Variants in UGT1A6 observed in about 807,000 individuals in gnomAD.
UGT1A6 encodes the protein UDP-glucuronosyltransferase 1A6.
UGT1A6 carries 32 observed loss-of-function variants against 44.4 expected under a neutral mutation model. The observed-to-expected ratio is 0.72, with a 90% CI of 0.54 to 0.97. The LOEUF (loss-of-function observed/expected upper bound fraction) is 0.97. Ranked by LOEUF, UGT1A6 falls within the 50% of genes least tolerant of loss-of-function variation. The pLI is 0.00. For synonymous variants in UGT1A6, 238 were observed against 248.5 expected, an observed-to-expected ratio of 0.96 and a Z score of 0.40; for missense variants, 685 against 661.9, an observed-to-expected ratio of 1.03 and a Z score of -0.38.
chr2:233,711,204 C>T (rs760514189), intron 1 of UGT1A6, among the ~76,000 whole-genome samples: 35 of 152,374 alleles, frequency 2.3e-4, no homozygotes, highest in Non-Finnish European at 4.4e-4. Context: ...CAGTCCTGCT[C>T]TCCCCAGTGC....
At chr2:233,696,603 G>A (rs1255929079) in intron 1 of UGT1A6, among the ~76,000 whole-genome samples, 1 of 135,292 alleles carries the variant, frequency 7.4e-6, no homozygotes, top group Non-Finnish European at 1.6e-5. Context: ...CAACTTGGAT[G>A]CCCTTTCTTT....
intron 1 of UGT1A6, chr2:233,729,953 T>A (rs371021401): frequency 6.2e-7 from 1 of 1,614,064 alleles, no homozygotes; most frequent in Non-Finnish European, 8.5e-7. Context: ...ATGGTCTTCA[T>A]TGGGGGCATC....
chr2:233,716,299 G>A (rs2076496695), intron 1 of UGT1A6, among the ~76,000 whole-genome samples: 2 of 152,196 alleles, frequency 1.3e-5, no homozygotes, highest in South Asian at 4.1e-4. Context: ...CATCTATAAA[G>A]TCTCTTCCAC....
chr2:233,768,305 G>C lies in UGT1A6; in HGVS notation c.1167G>C (p.Met389Ile). The change falls in exon 4 of 5, where the codon ATG (methionine) becomes ATC (isoleucine). Residue 389 changes from methionine (M) to isoleucine (I), a missense_variant. Coordinates refer to ENST00000305139, the MANE Select transcript of UGT1A6 (RefSeq NM_001072.4). ...ESICNGVPMV[M>I]MPLFGDQMDN... ...TATGCAATGGCGTTCCCATGGTGAT[G>C]ATGCCCTTGTTTGGTGATCAGATGG... 1 of 1,614,202 alleles carries C rather than the reference G, an allele frequency of 6.2e-7. No individual in the cohort carries two copies. The highest frequency in any genetic ancestry group is 8.5e-7 in the Non-Finnish European group (1 of 1,180,040).
At chr2:233,738,533 C>T (rs762024449) in intron 1 of UGT1A6, among the ~76,000 whole-genome samples, 4 of 152,178 alleles carry the variant, frequency 2.6e-5, no homozygotes, top group African/African-American at 9.7e-5. Context: ...CAATGAAGTC[C>T]AGGCTGAGTC....
intron 1 of UGT1A6, among the ~76,000 whole-genome samples, chr2:233,732,631 T>C (rs1341811470): frequency 6.6e-6 from 1 of 152,240 alleles, no homozygotes; most frequent in Non-Finnish European, 1.5e-5. Context: ...TGTGGTGTTA[T>C]TTCTGAGACC....
At position 233,769,512 on chromosome 2, in the gene UGT1A6, C is replaced by T; in HGVS notation, c.1301+1073C>T. ...TTATGAGAGTGTCCATTGCTTTCTCCCATGGTTACCTCCTTTAGAAAGAAG... is the reference window on the plus strand; with the variant it reads ...TTATGAGAGTGTCCATTGCTTTCTCTCATGGTTACCTCCTTTAGAAAGAAG... On this transcript the variant is annotated intron_variant, in intron 4 of 4. Transcript: ENST00000305139. This position sits in a 1 kb window ranked among gnomAD's most constrained non-coding sequence, Gnocchi z 4.4. 1 of 1,612,734 alleles carries T rather than the reference C, an allele frequency of 6.2e-7. No homozygotes were observed. The highest frequency in any genetic ancestry group is 8.5e-7 in the Non-Finnish European group (1 of 1,179,852).
chr2:233,703,623 A>G (rs971419839), intron 1 of UGT1A6, among the ~76,000 whole-genome samples: 1 of 151,992 alleles, frequency 6.6e-6, no homozygotes, highest in Non-Finnish European at 1.5e-5. Flanking sequence ...AGTCTATTTT[A>G]TCTGATATTA....
Position 233,693,285 on chromosome 2 carries a change from T to C in UGT1A6, c.281T>C (p.Phe94Ser). ...GAGCTGAAGAACCGTTACCAATCAT[T>C]TGGAAACAATCACTTTGCTGAGCGA... is the stretch of plus-strand genomic sequence containing the variant. ...QEELKNRYQS[F>S]GNNHFAERSF... The change falls in exon 1 of 5, where the codon TTT (phenylalanine) becomes TCT (serine). Residue 94 changes from phenylalanine (F) to serine (S), a missense_variant. By Grantham distance (155) the Phe-to-Ser change is radical. Transcript: ENST00000305139. 6.2e-7 allele frequency: 1 copy of C among 1,614,168 alleles called. No individual in the cohort carries two copies. The highest frequency in any genetic ancestry group is 8.5e-7 in the Non-Finnish European group (1 of 1,180,024).
intron 1 of UGT1A6, chr2:233,760,950 T>C: frequency 1.2e-6 from 2 of 1,614,226 alleles, no homozygotes; most frequent in East Asian, 2.2e-5. Context: ...CACAGAACTT[T>C]CTGTGCGACG....
rs570829500 is a variant in UGT1A6, at chr2:233,743,629, T to G, written c.862-23405T>G. 70 of 1,367,302 alleles carry G rather than the reference T, an allele frequency of 5.1e-5. 1 individual carries two copies. The highest frequency in any genetic ancestry group is 2.7e-4 in the East Asian group (6 of 21,984). The allele number at this position is 1,367,302 out of a possible 1,614,324, so 84.7% of individuals were successfully genotyped here. The stretch of plus-strand genomic sequence containing the variant: ...CGAAGAACTCCCTGAAGACGTCGGC[T>G]GGGTCGCGGAAGCTGAAGACGTACT... On this transcript the variant is annotated intron_variant, in intron 1 of 4. Transcript: ENST00000305139.
intron 1 of UGT1A6, among the ~76,000 whole-genome samples, chr2:233,721,343 A>G (rs2076939379): frequency 6.6e-6 from 1 of 152,156 alleles, no homozygotes; most frequent in South Asian, 2.1e-4. Flanking sequence ...CTATGAATAT[A>G]TTCTTTAGAC....
At chr2:233,727,488 T>C (rs2077620726) in intron 1 of UGT1A6, among the ~76,000 whole-genome samples, 1 of 151,840 alleles carries the variant, frequency 6.6e-6, no homozygotes, top group Non-Finnish European at 1.5e-5. Context: ...TACTTGGAGG[T>C]AGAACATGGG....
chr2:233,702,473 C>A (rs550739949), intron 1 of UGT1A6, among the ~76,000 whole-genome samples: 2 of 152,066 alleles, frequency 1.3e-5, no homozygotes, highest in South Asian at 2.1e-4. Flanking sequence ...ATCTAATTGC[C>A]CTGGCTTGAA....
At chr2:233,729,805 T>C (rs61740163) in intron 1 of UGT1A6, 2 of 1,611,876 alleles carry the variant, frequency 1.2e-6, no homozygotes, top group Non-Finnish European at 1.7e-6. Flanking sequence ...TTGCCATGCT[T>C]TTTCTGCTCC....
At chr2:233,749,145 C>G (rs1694125909) in intron 1 of UGT1A6, among the ~76,000 whole-genome samples, 1 of 151,818 alleles carries the variant, frequency 6.6e-6, no homozygotes, top group Non-Finnish European at 1.5e-5. Context: ...TATGAACTTC[C>G]ATGACTTGAT....
chr2:233,767,857 G>A lies in UGT1A6; in HGVS notation c.1002G>A (p.Trp334Ter), dbSNP rs1699508733. The change falls in exon 3 of 5, where the codon TGG becomes TGA. Residue 334 changes from tryptophan (W) to a stop codon, truncating the protein, a stop_gained. Coordinates refer to ENST00000305139, the MANE Select transcript of UGT1A6 (RefSeq NM_001072.4). LOFTEE classifies it high-confidence loss of function. ...ALGKIPQTVL[W>*]RYTGTRPSNL... Reference sequence around the variant, plus strand: ...CTTTTTGCCCCTCCCAGGTCCTGTGGCGGTACACTGGAACCCGACCATCGA... The same window carrying A: ...CTTTTTGCCCCTCCCAGGTCCTGTGACGGTACACTGGAACCCGACCATCGA... 6.2e-7 allele frequency: 1 copy of A among 1,613,994 alleles called. No homozygotes were observed. The highest frequency in any genetic ancestry group is 1.1e-5 in the South Asian group (1 of 91,076).
chr2:233,728,547 T>G (rs547390241), intron 1 of UGT1A6, among the ~76,000 whole-genome samples: 2 of 152,326 alleles, frequency 1.3e-5, no homozygotes, highest in African/African-American at 4.8e-5. Flanking sequence ...GAGTCCTCTC[T>G]GATCCTTACA....
chr2:233,713,368 G>C, intron 1 of UGT1A6: 5 of 1,614,136 alleles, frequency 3.1e-6, no homozygotes, highest in Non-Finnish European at 4.2e-6. Flanking sequence ...ATCATACATA[G>C]GTCTTGTGTG....
Sources: allele counts gnomAD v4.1 joint callset (sites outside exome capture counted in the v4.1 genomes callset), GRCh38; gene constraint gnomAD v4.1.1; non-coding constraint Gnocchi (gnomAD v3.1); transcripts MANE v1.5; gene names NCBI Gene and HGNC (gene_info 2026-07-23, HGNC 2026-07-21).